Variants in GTSE1 observed in about 807,000 individuals in gnomAD.
GTSE1 encodes G2 and S phase-expressed protein 1.
In GTSE1, 52 loss-of-function variants were observed where a neutral mutation model predicts 60.5. That is an observed-to-expected ratio of 0.86 (90% CI 0.69 to 1.08). The LOEUF (loss-of-function observed/expected upper bound fraction) is 1.08, where lower values mean the gene tolerates loss of function less well. Among genes scored for constraint, GTSE1 ranks in the 50% least tolerant of loss-of-function variants. The probability of loss-of-function intolerance (pLI) is 0.00; values close to 1 mark genes in which losing one functional copy is unlikely to be tolerated. For missense variants in GTSE1, 937 were observed against 961.8 expected (o/e 0.97, Z 0.34); for synonymous variants, 368 against 386.5 (o/e 0.95, Z 0.56).
rs1197537321 is a variant in GTSE1 at position 46,317,819 on chromosome 22, A to G, written c.1432+1407A>G. 6.6e-6 allele frequency among the ~76,000 whole-genome samples: 1 copy of G among 152,254 alleles called. No individual in the cohort carries two copies. Among genetic ancestry groups the G allele is most frequent in the African/African-American group, 2.4e-5 (1 of 41,476 alleles). On this transcript the variant is annotated intron_variant, in intron 7 of 11. Transcript: ENST00000454366. The surrounding 1 kb of genome is among the most constrained non-coding windows in gnomAD (Gnocchi z 5.6). ...AGACCCCTGCACTCCTGCTGCTGCA[A>G]GATGACACCTTCTCGGCCCTGTGAG...
chr22:46,325,835 C>T (rs1315709988), intron 8 of GTSE1, among the ~76,000 whole-genome samples: 1 of 152,262 alleles, frequency 6.6e-6, no homozygotes, highest in East Asian at 1.9e-4. Flanking sequence ...TCTTCATCAA[C>T]AGCAACACAA....
rs1555889863 is a variant in GTSE1, at chr22:46,297,956, T to TA, written c.79+477_79+478insA. On this transcript the variant is annotated intron_variant, in intron 2 of 11. Coordinates refer to ENST00000454366, the MANE Select transcript of GTSE1 (RefSeq NM_016426.7). This position sits in a 1 kb window ranked among gnomAD's most constrained non-coding sequence, Gnocchi z 4.9. The stretch of plus-strand genomic sequence containing the variant: ...ACACCCTCTTTTTCTCTCAAAGCGT[T>TA]TTTATTTATTTATTTATTTATTTAT... Among the ~76,000 whole-genome samples, 3 of 151,674 alleles carry TA rather than the reference T, an allele frequency of 2.0e-5. No individual in the cohort carries two copies. Among genetic ancestry groups the TA allele is most frequent in the Non-Finnish European group, 4.4e-5 (3 of 67,976 alleles).
At chr22:46,303,266 A>G (rs555002778) in intron 2 of GTSE1, among the ~76,000 whole-genome samples, 5 of 151,954 alleles carry the variant, frequency 3.3e-5, no homozygotes, top group Non-Finnish European at 5.9e-5. Flanking sequence ...TCCATTTTGC[A>G]TATTTCTTGT....
At chr22:46,315,633 G>A (rs2077774503) in intron 6 of GTSE1, among the ~76,000 whole-genome samples, 1 of 152,174 alleles carries the variant, frequency 6.6e-6, no homozygotes, top group African/African-American at 2.4e-5. Flanking sequence ...AATTTTAAAG[G>A]AATCAACCAG....
intron 6 of GTSE1, among the ~76,000 whole-genome samples, chr22:46,315,303 C>T (rs1004774386): frequency 6.6e-6 from 1 of 152,130 alleles, no homozygotes; most frequent in South Asian, 2.1e-4. Flanking sequence ...GTGATCCGCC[C>T]GCCTTGGCCT....
intron 2 of GTSE1, among the ~76,000 whole-genome samples, chr22:46,302,374 TTTTA>T (rs1461782549): frequency 6.6e-6 from 1 of 152,164 alleles, no homozygotes; most frequent in African/African-American, 2.4e-5. Context: ...ATCTTTTATT[TTTTA>T]TTTATTTATT....
At chr22:46,299,959 AT>A (rs130640) in intron 2 of GTSE1, among the ~76,000 whole-genome samples, 1,757 of 100,222 alleles carry the variant, frequency 0.018, 48 homozygotes, top group African/African-American at 0.064. Flanking sequence ...CGCCCAGCTA[AT>A]TTTTTTTTTT....
Position 46,318,420 on chromosome 22 carries a change from G to C in GTSE1, c.1432+2008G>C, listed in dbSNP as rs867417491. Among the ~76,000 whole-genome samples the C allele has an allele frequency of 2.0e-5, 3 of 152,288 alleles. No homozygotes were observed. The highest frequency in any genetic ancestry group is 6.8e-3 in the Middle Eastern group (2 of 294). On this transcript the variant is annotated intron_variant, in intron 7 of 11. Transcript: ENST00000454366. The surrounding 1 kb of genome is among the most constrained non-coding windows in gnomAD (Gnocchi z 4.8). The stretch of plus-strand genomic sequence containing the variant: ...TGCTTTGGGGGACAAGGGACATCAT[G>C]ATAAGACAGACCTACTCTCACAGAA...
rs1026703409 is a variant in GTSE1, at chr22:46,326,544, C to T, written c.1614C>T (p.Cys538=). 5.6e-6 allele frequency: 9 copies of T among 1,614,012 alleles called. No individual in the cohort carries two copies. The African/African-American group carries it at 8.0e-5, about 14-fold the overall frequency. Residue 538 remains cysteine, a synonymous_variant, in exon 9 of 12, where the codon TGC becomes TGT. Coordinates refer to ENST00000454366, the MANE Select transcript of GTSE1 (RefSeq NM_016426.7). The stretch of plus-strand genomic sequence containing the variant: ...TGCCCACACCCGCCAGCCGGCGCTG[C>T]TCTGGCCTTCCACCGATGACCCCCA... ...SALPTPASRR[C]SGLPPMTPKT...
intron 10 of GTSE1, 90 bp downstream of exon 10, chr22:46,328,979 G>C (rs561875425): frequency 1.0e-4 from 105 of 1,049,100 alleles, no homozygotes; most frequent in Non-Finnish European, 9.9e-5. Context: ...GTGGCTGGCG[G>C]AGTTCCCTGC....
rs2077662850 is a variant in GTSE1, at chr22:46,297,346, C to A, written c.-21-34C>A. ...GAAGCCGGAGCCCTGGGCCCTGACA[C>A]GTACTCACTTTCTGGCCCCGTTCCA... On this transcript the variant is annotated intron_variant, in intron 1 of 11. Coordinates refer to ENST00000454366, the MANE Select transcript of GTSE1 (RefSeq NM_016426.7). This position sits in a 1 kb window ranked among gnomAD's most constrained non-coding sequence, Gnocchi z 4.9. The A allele has an allele frequency of 5.0e-6, 6 of 1,194,314 alleles. No homozygotes were observed. In the South Asian group the frequency reaches 7.2e-5, roughly 14 times the overall value. 74.0% of individuals were successfully genotyped at this position (1,194,314 alleles called of 1,614,324 possible).
rs111808708 is a variant in GTSE1 at position 46,297,956 on chromosome 22, T to TTTTA, written c.79+500_79+503dup. ...ACACCCTCTTTTTCTCTCAAAGCGT[T>TTTTA]TTTATTTATTTATTTATTTATTTAT... On this transcript the variant is annotated intron_variant, in intron 2 of 11. Coordinates refer to ENST00000454366, the MANE Select transcript of GTSE1 (RefSeq NM_016426.7). The surrounding 1 kb of genome is among the most constrained non-coding windows in gnomAD (Gnocchi z 4.9). Among the ~76,000 whole-genome samples, 1,248 of 151,788 alleles carry TTTTA rather than the reference T, an allele frequency of 8.2e-3. 17 individuals are homozygous for TTTTA. The highest frequency in any genetic ancestry group is 0.027 in the African/African-American group (1,105 of 41,260).
intron 2 of GTSE1, among the ~76,000 whole-genome samples, chr22:46,299,843 A>G (rs1364982900): frequency 1.3e-5 from 2 of 148,684 alleles, no homozygotes; most frequent in Non-Finnish European, 3.0e-5. Flanking sequence ...GCCAGGCTGG[A>G]GTGCAGTGGC....
chr22:46,303,116 G>A (rs1305441937), intron 2 of GTSE1, among the ~76,000 whole-genome samples: 3 of 151,218 alleles, frequency 2.0e-5, no homozygotes, highest in Non-Finnish European at 4.4e-5. Context: ...TAGCCAGGAT[G>A]GTCTCGATCT....
rs114762521 is a variant in GTSE1, at chr22:46,315,532, C to T, written c.1052-500C>T. ...TAAGAATCCTTTACCAGATCGTCTG[C>T]GTATATTGGTAGCTCAGTATGTATT... On this transcript the variant is annotated intron_variant, in intron 6 of 11. Coordinates refer to ENST00000454366, the MANE Select transcript of GTSE1 (RefSeq NM_016426.7). 9.5e-3 allele frequency among the ~76,000 whole-genome samples: 1,451 copies of T among 152,290 alleles called. 25 individuals are homozygous for T. Among genetic ancestry groups the T allele is most frequent in the African/African-American group, 0.033 (1,370 of 41,538 alleles).
At position 46,329,867 on chromosome 22, in the gene GTSE1, C is replaced by T. The variant is rs925368188; in HGVS notation, c.2137-180C>T. ...TGCATGGTGGGGGCCTGGGCTTCTCCGTGTGTGTCCTGTCTCCTTCCAGCT... is the reference window on the plus strand; with the variant it reads ...TGCATGGTGGGGGCCTGGGCTTCTCTGTGTGTGTCCTGTCTCCTTCCAGCT... On this transcript the variant is annotated intron_variant, in intron 11 of 11. Transcript: ENST00000454366. The surrounding 1 kb of genome is among the most constrained non-coding windows in gnomAD (Gnocchi z 6.4). 3.9e-5 allele frequency among the ~76,000 whole-genome samples: 6 copies of T among 152,228 alleles called. No individual in the cohort carries two copies. The highest frequency in any genetic ancestry group is 9.6e-5 in the African/African-American group (4 of 41,454).
chr22:46,302,077 A>T (rs367658401), intron 2 of GTSE1, among the ~76,000 whole-genome samples: 1 of 152,286 alleles, frequency 6.6e-6, no homozygotes, highest in South Asian at 2.1e-4. Flanking sequence ...GTGAGCCAAG[A>T]TCGCGCCATT....
At position 46,304,365 on chromosome 22, in the gene GTSE1, T is replaced by C. The variant is rs2077705280; in HGVS notation, c.80-3785T>C. ...CTGGTAAGATCAATTTGTTCCTGTC[T>C]TTAGAAGGAATACTTCTGACGTTAT... On this transcript the variant is annotated intron_variant, in intron 2 of 11. Coordinates refer to ENST00000454366, the MANE Select transcript of GTSE1 (RefSeq NM_016426.7). The surrounding 1 kb of genome is among the most constrained non-coding windows in gnomAD (Gnocchi z 4.4). 6.6e-6 allele frequency among the ~76,000 whole-genome samples: 1 copy of C among 152,190 alleles called. No individual in the cohort carries two copies. The highest frequency in any genetic ancestry group is 6.5e-5 in the Admixed American group (1 of 15,282).
In GTSE1 at chr22:46,308,789, C is replaced by T. The variant is rs149616575; in HGVS notation, c.608C>T (p.Pro203Leu). 1.5e-5 allele frequency: 24 copies of T among 1,613,164 alleles called. No individual in the cohort carries two copies. The highest frequency in any genetic ancestry group is 5.3e-5 in the African/African-American group (4 of 75,068). Residue 203 changes from proline (P) to leucine (L), a missense_variant, in exon 4 of 12, where the codon CCG becomes CTG. Transcript: ENST00000454366. ...SGAQARLTRA[P>L]GPPHSAHALP... ...GCCCAGGCCCGCCTCACCCGGGCGC[C>T]GGGGCCTCCGCACTCTGCTCATGCT...
Sources: gnomAD v4.1 joint callset for allele counts (sites outside exome capture counted in the v4.1 genomes callset) on GRCh38, gnomAD v4.1.1 for gene constraint, Gnocchi (gnomAD v3.1) non-coding constraint, MANE v1.5 for transcripts, NCBI Gene and HGNC (gene_info 2026-07-23, HGNC 2026-07-21) for gene names.